The following LRMDA variants were observed in gnomAD, a reference collection of about 807,000 sequenced individuals.
LRMDA encodes the protein leucine rich melanocyte differentiation associated.
LRMDA carries 18 observed loss-of-function variants against 29.8 expected under a neutral mutation model. The observed-to-expected ratio is 0.60, with a 90% confidence interval of 0.42 to 0.90. The LOEUF is 0.90. Ranked by LOEUF, LRMDA falls within the 40% of genes least tolerant of loss-of-function variation. LRMDA has a pLI of 0.00. For missense variants in LRMDA, 273 were observed against 273.9 expected (o/e 1.00, Z 0.02); for synonymous variants, 125 against 109.4 (o/e 1.14, Z -0.89).
intron 2 of LRMDA, among the ~76,000 whole-genome samples, chr10:75,700,220 G>A (rs1028437323): frequency 6.7e-6 from 1 of 149,020 alleles, no homozygotes; most frequent in East Asian, 2.0e-4. Context: ...TTAAAGTCAA[G>A]TTTTAAACTG....
At chr10:76,281,505 A>G (rs1282455109) in intron 5 of LRMDA, among the ~76,000 whole-genome samples, 1 of 152,118 alleles carries the variant, frequency 6.6e-6, no homozygotes, top group Non-Finnish European at 1.5e-5. Flanking sequence ...CACTGTTAGC[A>G]GTCAGATCTG....
At chr10:75,491,837 G>A (rs1844991971) in intron 2 of LRMDA, among the ~76,000 whole-genome samples, 1 of 152,104 alleles carries the variant, frequency 6.6e-6, no homozygotes, top group South Asian at 2.1e-4. Context: ...TTCAAGATGG[G>A]AAACTCCTTC....
At chr10:76,036,845 C>T (rs1848256964) in intron 3 of LRMDA, among the ~76,000 whole-genome samples, 1 of 152,092 alleles carries the variant, frequency 6.6e-6, no homozygotes, top group Non-Finnish European at 1.5e-5. Context: ...GCCCGTAGCT[C>T]CTGCATTGTT....
At chr10:76,081,374 C>T (rs2132079525) in intron 5 of LRMDA, among the ~76,000 whole-genome samples, 1 of 152,068 alleles carries the variant, frequency 6.6e-6, no homozygotes, top group East Asian at 1.9e-4. Context: ...GGAGGCTGAG[C>T]CTGGGGAGGT....
chr10:75,888,720 G>C (rs779153413), intron 2 of LRMDA, among the ~76,000 whole-genome samples: 1 of 152,126 alleles, frequency 6.6e-6, no homozygotes, highest in Non-Finnish European at 1.5e-5. Context: ...TGACAGAGGA[G>C]TAAAGATGTC....
chr10:76,408,721 C>T (rs1841927807), intron 6 of LRMDA, among the ~76,000 whole-genome samples: 1 of 152,108 alleles, frequency 6.6e-6, no homozygotes. Context: ...TCTTCTTTCT[C>T]CTCCAAAGCC....
chr10:75,803,522 C>T (rs1386741012), intron 2 of LRMDA, among the ~76,000 whole-genome samples: 1 of 152,184 alleles, frequency 6.6e-6, no homozygotes, highest in Non-Finnish European at 1.5e-5. Context: ...CATTCTGGCT[C>T]TGCCACTTAT....
chr10:76,475,446 A>C (rs1467079339), intron 6 of LRMDA, among the ~76,000 whole-genome samples: 2 of 152,078 alleles, frequency 1.3e-5, no homozygotes, highest in African/African-American at 4.8e-5. Flanking sequence ...ACACAATAAT[A>C]ATGCAAGACT....
chr10:75,677,039 T>C (rs1219887500), intron 2 of LRMDA, among the ~76,000 whole-genome samples: 1 of 152,214 alleles, frequency 6.6e-6, no homozygotes, highest in Non-Finnish European at 1.5e-5. Flanking sequence ...CTTTTAATTT[T>C]CTCAGATTTA....
chr10:75,472,011 G>A (rs1381920178), intron 2 of LRMDA, among the ~76,000 whole-genome samples: 1 of 152,086 alleles, frequency 6.6e-6, no homozygotes, highest in East Asian at 1.9e-4. Context: ...CTCAGGGAGA[G>A]CCAAAATCAT....
chr10:76,142,442 A>C (rs1208463489), intron 5 of LRMDA, among the ~76,000 whole-genome samples: 1 of 152,048 alleles, frequency 6.6e-6, no homozygotes, highest in Non-Finnish European at 1.5e-5. Flanking sequence ...CTACAAATAC[A>C]TTTATGTACC....
chr10:76,378,065 C>T (rs1841543613), intron 6 of LRMDA, among the ~76,000 whole-genome samples: 1 of 151,918 alleles, frequency 6.6e-6, no homozygotes, highest in Non-Finnish European at 1.5e-5. Flanking sequence ...TTTTTTTCAT[C>T]AGTGTTTTGT....
At chr10:76,065,050 A>C (rs1848761040) in intron 5 of LRMDA, among the ~76,000 whole-genome samples, 1 of 152,144 alleles carries the variant, frequency 6.6e-6, no homozygotes, top group Admixed American at 6.5e-5. Flanking sequence ...TTTTAAGAAA[A>C]TGCTTAGATG....
intron 5 of LRMDA, among the ~76,000 whole-genome samples, chr10:76,283,339 C>T (rs1026424552): frequency 3.3e-5 from 5 of 152,092 alleles, no homozygotes; most frequent in African/African-American, 1.2e-4. Context: ...TAGCCTTACA[C>T]GAGTGGTGCA....
chr10:76,477,849 A>G (rs905432529), intron 6 of LRMDA, among the ~76,000 whole-genome samples: 3 of 152,226 alleles, frequency 2.0e-5, no homozygotes, highest in African/African-American at 7.2e-5. Flanking sequence ...GGCTAGCCAT[A>G]TGTAGAAAGC....
At chr10:75,906,089 G>A (rs1428298243) in intron 2 of LRMDA, among the ~76,000 whole-genome samples, 1 of 151,364 alleles carries the variant, frequency 6.6e-6, no homozygotes, top group Non-Finnish European at 1.5e-5. Flanking sequence ...CACAGAGGAA[G>A]ACTCTCCCCT....
chr10:76,299,155 C>CTGTGTG (rs1309321930), intron 5 of LRMDA, among the ~76,000 whole-genome samples: 1 of 92,130 alleles, frequency 1.1e-5, no homozygotes, highest in African/African-American at 5.5e-5. Context: ...TAGAGAAGAG[C>CTGTGTG]CGTGTGTGTG....
intron 6 of LRMDA, among the ~76,000 whole-genome samples, chr10:76,451,997 A>G (rs182851654): frequency 6.6e-6 from 1 of 152,256 alleles, no homozygotes; most frequent in East Asian, 1.9e-4. Flanking sequence ...TTTTCTTCAA[A>G]GGAATGACCT....
chr10:75,962,799 C>T (rs766981594), intron 2 of LRMDA, among the ~76,000 whole-genome samples: 3 of 152,178 alleles, frequency 2.0e-5, no homozygotes, highest in East Asian at 3.8e-4. Context: ...AGACCCTGGA[C>T]GCTATTCCTT....
Sources: gnomAD v4.1 joint callset for allele counts (sites outside exome capture counted in the v4.1 genomes callset) on GRCh38, gnomAD v4.1.1 for gene constraint, MANE v1.5 for transcripts, NCBI Gene and HGNC (gene_info 2026-07-23, HGNC 2026-07-21) for gene names.